The following INPP4B variants were observed in gnomAD, a reference collection of about 807,000 sequenced individuals.
INPP4B encodes inositol polyphosphate 4-phosphatase type II.
A neutral mutation model predicts 122.5 loss-of-function variants in INPP4B; 55 were observed. The observed-to-expected ratio is 0.45, with a 90% CI of 0.36 to 0.56. INPP4B has a LOEUF of 0.56. Among genes scored for constraint, INPP4B ranks in the 20% least tolerant of loss-of-function variants. The pLI, the probability that INPP4B is intolerant of heterozygous loss-of-function variation, is 0.00. For synonymous variants in INPP4B, 403 were observed against 388.7 expected (o/e 1.04, Z -0.43); for missense variants, 1,000 against 1,097.7 (o/e 0.91, Z 1.26).
intron 3 of INPP4B, among the ~76,000 whole-genome samples, chr4:142,461,565 C>T (rs1413334653): frequency 1.3e-5 from 2 of 152,000 alleles, no homozygotes; most frequent in African/African-American, 4.8e-5. Flanking sequence ...AAAAAATAAA[C>T]CAATGAAGCA....
At chr4:142,045,157 A>C (rs1041302016) in intron 25 of INPP4B, among the ~76,000 whole-genome samples, 4 of 152,112 alleles carry the variant, frequency 2.6e-5, no homozygotes, top group African/African-American at 9.7e-5. Flanking sequence ...TGAAAATCTC[A>C]AGAATGTACA....
At chr4:142,603,484 A>C (rs1293337039) in intron 2 of INPP4B, among the ~76,000 whole-genome samples, 1 of 152,140 alleles carries the variant, frequency 6.6e-6, no homozygotes, top group Non-Finnish European at 1.5e-5. Context: ...AACTCATTTA[A>C]GAAGAGATAA....
At chr4:142,701,934 T>C (rs1292609965) in intron 2 of INPP4B, among the ~76,000 whole-genome samples, 4 of 152,224 alleles carry the variant, frequency 2.6e-5, no homozygotes, top group African/African-American at 7.2e-5. Context: ...ATACTAGTAC[T>C]AAAAATGTAC....
chr4:142,476,324 G>A (rs983086445), intron 2 of INPP4B, among the ~76,000 whole-genome samples: 11 of 152,054 alleles, frequency 7.2e-5, no homozygotes, highest in Non-Finnish European at 1.6e-4. Flanking sequence ...CCTTATAAGA[G>A]GTTCTTAAGA....
intron 12 of INPP4B, among the ~76,000 whole-genome samples, chr4:142,234,562 CG>C (rs1855859044): frequency 6.6e-6 from 1 of 151,988 alleles, no homozygotes. Context: ...ATCTCCTTTT[CG>C]TTATAAAATG....
At chr4:142,363,355 G>A (rs1423355947) in intron 7 of INPP4B, among the ~76,000 whole-genome samples, 3 of 151,772 alleles carry the variant, frequency 2.0e-5, no homozygotes, top group East Asian at 1.9e-4. Flanking sequence ...ATATATATGT[G>A]TGTGTGTATA....
At chr4:142,170,598 A>C (rs1356888205) in intron 16 of INPP4B, among the ~76,000 whole-genome samples, 1 of 151,708 alleles carries the variant, frequency 6.6e-6, no homozygotes, top group Admixed American at 6.6e-5. Context: ...TACTTCATAG[A>C]ATTAGGAAGA....
At chr4:142,074,695 A>G (rs954669266) in intron 25 of INPP4B, among the ~76,000 whole-genome samples, 1 of 152,138 alleles carries the variant, frequency 6.6e-6, no homozygotes, top group Non-Finnish European at 1.5e-5. Context: ...GGAGTATTAT[A>G]TAAGTTTAAA....
At chr4:142,405,762 G>T (rs1200003755) in intron 5 of INPP4B, among the ~76,000 whole-genome samples, 1 of 152,022 alleles carries the variant, frequency 6.6e-6, no homozygotes, top group Non-Finnish European at 1.5e-5. Flanking sequence ...TTCATACTTG[G>T]TCCTTACCTA....
chr4:142,498,473 A>G (rs1822940510), intron 2 of INPP4B, among the ~76,000 whole-genome samples: 1 of 152,064 alleles, frequency 6.6e-6, no homozygotes, highest in Admixed American at 6.6e-5. Flanking sequence ...GAATCTTCCT[A>G]TTAAAAAGTA....
At chr4:142,555,299 T>C (rs1728903611) in intron 2 of INPP4B, among the ~76,000 whole-genome samples, 1 of 152,192 alleles carries the variant, frequency 6.6e-6, no homozygotes, top group African/African-American at 2.4e-5. Flanking sequence ...GAAAAAGCTT[T>C]GGCAAAGATA....
At chr4:142,134,900 A>G (rs1266793301) in intron 18 of INPP4B, among the ~76,000 whole-genome samples, 5 of 151,640 alleles carry the variant, frequency 3.3e-5, no homozygotes, top group Non-Finnish European at 1.5e-5. Flanking sequence ...CTCAATATTC[A>G]TATGTAGGAA....
chr4:142,584,560 A>G (rs1228417506), intron 2 of INPP4B, among the ~76,000 whole-genome samples: 4 of 152,116 alleles, frequency 2.6e-5, no homozygotes, highest in Non-Finnish European at 5.9e-5. Flanking sequence ...TGTTTTTCTC[A>G]TAATTAAACC....
chr4:142,036,361 A>G (rs1743964844), intron 25 of INPP4B, among the ~76,000 whole-genome samples: 1 of 152,186 alleles, frequency 6.6e-6, no homozygotes, highest in African/African-American at 2.4e-5. Context: ...ATCATAGTAT[A>G]AATATTATAT....
At chr4:142,543,414 C>T (rs1362711487) in intron 2 of INPP4B, among the ~76,000 whole-genome samples, 1 of 152,076 alleles carries the variant, frequency 6.6e-6, no homozygotes, top group African/African-American at 2.4e-5. Context: ...GATTAATTCC[C>T]CTTTAGCTTA....
chr4:142,288,232 C>T (rs556092446), intron 9 of INPP4B, among the ~76,000 whole-genome samples: 6 of 152,304 alleles, frequency 3.9e-5, no homozygotes, highest in African/African-American at 1.2e-4. Flanking sequence ...TCTTCTGCTT[C>T]GAACACAGAA....
intron 25 of INPP4B, among the ~76,000 whole-genome samples, chr4:142,036,763 T>A (rs930470209): frequency 1.3e-5 from 2 of 152,212 alleles, no homozygotes; most frequent in African/African-American, 4.8e-5. Context: ...GTCTCACATG[T>A]AATCATCTTA....
intron 2 of INPP4B, among the ~76,000 whole-genome samples, chr4:142,678,658 T>C (rs1202512277): frequency 6.6e-6 from 1 of 151,942 alleles, no homozygotes; most frequent in East Asian, 1.9e-4. Context: ...AAAAACTGTT[T>C]ATATCATACA....
At chr4:142,643,014 T>G (rs1338683628) in intron 2 of INPP4B, among the ~76,000 whole-genome samples, 1 of 152,238 alleles carries the variant, frequency 6.6e-6, no homozygotes, top group Non-Finnish European at 1.5e-5. Flanking sequence ...CTAGGTATTT[T>G]ATTCACTTTG....
Sources: allele counts gnomAD v4.1 joint callset (sites outside exome capture counted in the v4.1 genomes callset), GRCh38; gene constraint gnomAD v4.1.1; transcripts MANE v1.5; gene names NCBI Gene and HGNC (gene_info 2026-07-23, HGNC 2026-07-21).